Variants in RIPK2 observed in about 807,000 individuals in gnomAD.
RIPK2 encodes the protein receptor-interacting serine/threonine-protein kinase 2.
In RIPK2, 38 loss-of-function variants were observed where a neutral mutation model predicts 60.9. The observed-to-expected ratio is 0.62, with a 90% CI of 0.48 to 0.82. The LOEUF (loss-of-function observed/expected upper bound fraction) is 0.82, where lower values mean the gene tolerates loss of function less well. RIPK2 is among the 40% of genes least tolerant of loss of function. The pLI is 0.00. For missense variants in RIPK2, 518 were observed against 647.0 expected, an observed-to-expected ratio of 0.80 and a Z score of 2.16; for synonymous variants, 225 against 223.4, an observed-to-expected ratio of 1.01 and a Z score of -0.06.
intron 5 of RIPK2, 130 bp from the exon 6 acceptor site, chr8:89,772,537 C>G: frequency 1.6e-6 from 1 of 635,122 alleles, no homozygotes; most frequent in Non-Finnish European, 2.6e-6. Flanking sequence ...ATTCCTTTTA[C>G]AGAAAGGGGG....
chr8:89,788,289 G>A (rs971553398), intron 9 of RIPK2, among the ~76,000 whole-genome samples: 1 of 151,962 alleles, frequency 6.6e-6, no homozygotes, highest in Admixed American at 6.6e-5. Flanking sequence ...GTTGCAGTGA[G>A]CTGAGATTGC....
At chr8:89,784,260 T>C (rs1809549369) in intron 8 of RIPK2, 121 bp downstream of exon 8, 1 of 590,372 alleles carries the variant, frequency 1.7e-6, no homozygotes, top group East Asian at 3.0e-5. Flanking sequence ...AGGGAGCTTT[T>C]AGGATTTGTT....
At chr8:89,781,269 T>C (rs1809494130) in intron 7 of RIPK2, among the ~76,000 whole-genome samples, 1 of 152,074 alleles carries the variant, frequency 6.6e-6, no homozygotes, top group African/African-American at 2.4e-5. Flanking sequence ...TTTCATTCTT[T>C]TAATAACTTT....
chr8:89,772,837 A>G lies in RIPK2; in HGVS notation c.853+9A>G. ...AAGACCATCTTTCTTAAGTGAGTATATAGTTTTAACCTAGACTCTTTGAAT... is the reference window on the plus strand; with the variant it reads ...AAGACCATCTTTCTTAAGTGAGTATGTAGTTTTAACCTAGACTCTTTGAAT... On this transcript the variant is annotated intron_variant, in intron 6 of 10. Transcript: ENST00000220751. 6.3e-7 allele frequency: 1 copy of G among 1,589,812 alleles called. No individual in the cohort carries two copies. Among genetic ancestry groups the G allele is most frequent in the Non-Finnish European group, 8.6e-7 (1 of 1,165,954 alleles).
At chr8:89,787,906 G>A (rs1563619780) in intron 9 of RIPK2, among the ~76,000 whole-genome samples, 1 of 152,000 alleles carries the variant, frequency 6.6e-6, no homozygotes, top group Non-Finnish European at 1.5e-5. Flanking sequence ...AAGGAGGGGT[G>A]GTATGTGAGA....
intron 4 of RIPK2, among the ~76,000 whole-genome samples, chr8:89,770,965 G>C (rs1470635992): frequency 6.6e-6 from 1 of 151,712 alleles, no homozygotes; most frequent in East Asian, 1.9e-4. Context: ...TGTATTTATA[G>C]CTTCCTAAGG....
At chr8:89,788,753 G>T (rs1368806547) in intron 9 of RIPK2, among the ~76,000 whole-genome samples, 1 of 151,962 alleles carries the variant, frequency 6.6e-6, no homozygotes, top group Non-Finnish European at 1.5e-5. Flanking sequence ...ACTCCAGCCT[G>T]GGTGGCAAAA....
At chr8:89,779,183 C>G (rs1035596014) in intron 6 of RIPK2, among the ~76,000 whole-genome samples, 4 of 151,956 alleles carry the variant, frequency 2.6e-5, no homozygotes, top group African/African-American at 9.7e-5. Context: ...GATACAAACC[C>G]TTTAGCAGAT....
chr8:89,788,785 A>C (rs910471393), intron 9 of RIPK2, among the ~76,000 whole-genome samples: 73 of 150,964 alleles, frequency 4.8e-4, no homozygotes, highest in African/African-American at 1.6e-3. Context: ...TCTAAGAAAG[A>C]GAGAGAGACA....
chr8:89,758,989 T>C (rs1809100217), intron 1 of RIPK2, among the ~76,000 whole-genome samples: 1 of 152,228 alleles, frequency 6.6e-6, no homozygotes, highest in Non-Finnish European at 1.5e-5. Context: ...TTGCTTCTTA[T>C]TGTTTTTATT....
chr8:89,772,102 C>G (rs1230821149), intron 5 of RIPK2, among the ~76,000 whole-genome samples: 2 of 151,906 alleles, frequency 1.3e-5, no homozygotes, highest in Non-Finnish European at 2.9e-5. Context: ...TTTTTGTCGC[C>G]TGCATAATAA....
intron 6 of RIPK2, among the ~76,000 whole-genome samples, chr8:89,777,641 G>C (rs1021940502): frequency 2.6e-5 from 4 of 151,980 alleles, no homozygotes; most frequent in Non-Finnish European, 5.9e-5. Context: ...GTCTGCCTTA[G>C]ACATGTTTCA....
intron 2 of RIPK2, among the ~76,000 whole-genome samples, chr8:89,763,749 A>G (rs1291686375): frequency 6.6e-6 from 1 of 152,186 alleles, no homozygotes; most frequent in Non-Finnish European, 1.5e-5. Context: ...TCAGTCAGTC[A>G]TAGAGTAACT....
chr8:89,762,773 C>T, intron 1 of RIPK2, 56 bp from the exon 2 acceptor site: 1 of 1,015,362 alleles, frequency 9.8e-7, no homozygotes, highest in Non-Finnish European at 1.4e-6. Flanking sequence ...GTCTTATAGG[C>T]ATGATAATTG....
chr8:89,763,048 G>C, intron 2 of RIPK2, 66 bp downstream of exon 2: 1 of 1,064,938 alleles, frequency 9.4e-7, no homozygotes, highest in Non-Finnish European at 1.3e-6. Flanking sequence ...ATTTTACTTT[G>C]ATTTTATATT....
In RIPK2 at chr8:89,769,885, A is replaced by G. The variant is rs1310488956; in HGVS notation, c.597A>G (p.Glu199=). Residue 199 remains glutamate (E), a synonymous_variant, in exon 4 of 11, where the codon GAA becomes GAG. Transcript: ENST00000220751. ...TIIYMPPENY[E]PGQKSRASIK... is the part of the protein sequence containing the mutation. ...TCTATATGCCACCTGAAAACTATGA[A>G]CCTGGACAAAAATCAAGGGCCAGTA... 1.8e-5 allele frequency: 29 copies of G among 1,608,352 alleles called. No individual in the cohort carries two copies. The Admixed American group carries it at 4.9e-4, about 27-fold the overall frequency.
chr8:89,779,311 T>TG (rs1554598401), intron 6 of RIPK2, among the ~76,000 whole-genome samples: 1 of 3,740 alleles, frequency 2.7e-4, no homozygotes, highest in African/African-American at 1.7e-3. Context: ...GGTTTTTGGG[T>TG]TTTTTTTTTT....
At chr8:89,782,904 A>C (rs955706591) in intron 7 of RIPK2, among the ~76,000 whole-genome samples, 1 of 152,216 alleles carries the variant, frequency 6.6e-6, no homozygotes, top group Non-Finnish European at 1.5e-5. Context: ...TAATTCAAGG[A>C]TATTGCATTA....
chr8:89,761,280 T>A (rs1033176175), intron 1 of RIPK2, among the ~76,000 whole-genome samples: 4 of 152,144 alleles, frequency 2.6e-5, no homozygotes, highest in African/African-American at 9.7e-5. Flanking sequence ...ACTTACCTAA[T>A]AGGCTTCTCC....
Sources: gnomAD v4.1 joint callset for allele counts (sites outside exome capture counted in the v4.1 genomes callset) on GRCh38, gnomAD v4.1.1 for gene constraint, MANE v1.5 for transcripts, NCBI Gene and HGNC (gene_info 2026-07-23, HGNC 2026-07-21) for gene names.